The following REEP3 variants were observed in gnomAD, a reference collection of about 807,000 sequenced individuals.
REEP3 encodes receptor accessory protein 3, also known as receptor expression-enhancing protein 3.
Under a neutral mutation model 41.3 loss-of-function variants are expected in REEP3, and 20 were observed. The observed-to-expected ratio is 0.48, with a 90% CI of 0.34 to 0.70. The LOEUF (loss-of-function observed/expected upper bound fraction) is 0.70, where lower values mean the gene tolerates loss of function less well. REEP3 is among the 30% of genes least tolerant of loss of function. The probability of loss-of-function intolerance (pLI) is 0.01; values close to 1 mark genes in which losing one functional copy is unlikely to be tolerated. For missense variants in REEP3, 271 were observed against 308.8 expected (o/e 0.88, Z 0.92); for synonymous variants, 104 against 101.8 (o/e 1.02, Z -0.13).
chr10:63,598,706 C>T (rs1304222151), intron 4 of REEP3, among the ~76,000 whole-genome samples: 4 of 151,514 alleles, frequency 2.6e-5, no homozygotes, highest in African/African-American at 7.3e-5. Flanking sequence ...ATGGCGCGAA[C>T]CCGGGAGGTG....
chr10:63,576,172 G>A (rs938430387), intron 2 of REEP3, among the ~76,000 whole-genome samples: 1 of 152,128 alleles, frequency 6.6e-6, no homozygotes, highest in Admixed American at 6.6e-5. Flanking sequence ...ATAATGAAAA[G>A]CTGCCTGGAG....
intron 5 of REEP3, among the ~76,000 whole-genome samples, chr10:63,606,300 TTCTC>T (rs1215399054): frequency 5.9e-5 from 9 of 151,918 alleles, no homozygotes; most frequent in Non-Finnish European, 1.2e-4. Context: ...CTTTCTTTCT[TTCTC>T]TCTCTCTGTC....
intron 1 of REEP3, among the ~76,000 whole-genome samples, chr10:63,546,810 T>G (rs1955582403): frequency 6.6e-6 from 1 of 152,218 alleles, no homozygotes; most frequent in South Asian, 2.1e-4. Context: ...ATCCATCACT[T>G]GCAGAATCAT....
At chr10:63,606,914 A>G (rs1956233799) in intron 5 of REEP3, among the ~76,000 whole-genome samples, 2 of 152,236 alleles carry the variant, frequency 1.3e-5, no homozygotes, top group African/African-American at 4.8e-5. Context: ...ACTTATAGCC[A>G]TACTGCATAC....
chr10:63,526,117 G>T (rs999351591), intron 1 of REEP3, among the ~76,000 whole-genome samples: 2 of 152,146 alleles, frequency 1.3e-5, no homozygotes, highest in African/African-American at 2.4e-5. Flanking sequence ...GAATCACTTT[G>T]TGTGTAGGTA....
intron 2 of REEP3, among the ~76,000 whole-genome samples, chr10:63,589,645 C>T (rs1040528898): frequency 7.2e-5 from 11 of 152,076 alleles, no homozygotes; most frequent in East Asian, 1.9e-4. Flanking sequence ...CTCAGGGGCA[C>T]GCCACTATAC....
At chr10:63,592,613 G>A (rs143395303) in intron 2 of REEP3, among the ~76,000 whole-genome samples, 10 of 152,242 alleles carry the variant, frequency 6.6e-5, no homozygotes, top group East Asian at 3.9e-4. Flanking sequence ...CTTATGGGCC[G>A]GGCGCGGTGG....
At chr10:63,601,008 C>T (rs1455596167) in intron 5 of REEP3, among the ~76,000 whole-genome samples, 4 of 151,932 alleles carry the variant, frequency 2.6e-5, no homozygotes. Flanking sequence ...CAAAGATTAG[C>T]TGGGCGTGGT....
intron 1 of REEP3, among the ~76,000 whole-genome samples, chr10:63,548,974 T>A (rs892153732): frequency 6.6e-6 from 1 of 152,030 alleles, no homozygotes; most frequent in Non-Finnish European, 1.5e-5. Context: ...AAGTGCCCTT[T>A]GAGTTTTTTT....
chr10:63,613,082 G>T (rs1688812624), intron 6 of REEP3, among the ~76,000 whole-genome samples: 2 of 151,940 alleles, frequency 1.3e-5, no homozygotes, highest in Admixed American at 1.3e-4. Context: ...CACGATCTCG[G>T]CTCACTGCAA....
chr10:63,553,453 A>G (rs1955648221), intron 1 of REEP3, among the ~76,000 whole-genome samples: 1 of 152,164 alleles, frequency 6.6e-6, no homozygotes. Flanking sequence ...TTATTGTTTA[A>G]TGGAGACTTA....
chr10:63,594,031 T>A (rs1298301918), intron 2 of REEP3, among the ~76,000 whole-genome samples: 1 of 152,112 alleles, frequency 6.6e-6, no homozygotes, highest in Non-Finnish European at 1.5e-5. Flanking sequence ...TATAAAATTT[T>A]AAAGACTAAT....
At chr10:63,594,952 AG>A in intron 3 of REEP3, 98 bp downstream of exon 3, 1 of 787,394 alleles carries the variant, frequency 1.3e-6, no homozygotes, top group Non-Finnish European at 2.2e-6. Flanking sequence ...GATTTTCATC[AG>A]GTTACCTAAT....
At chr10:63,533,870 C>G (rs1481270581) in intron 1 of REEP3, among the ~76,000 whole-genome samples, 1 of 151,688 alleles carries the variant, frequency 6.6e-6, no homozygotes, top group East Asian at 1.9e-4. Context: ...ACCATGCCAG[C>G]TAATTTTTGG....
chr10:63,549,476 G>A (rs1955608161), intron 1 of REEP3, among the ~76,000 whole-genome samples: 2 of 152,226 alleles, frequency 1.3e-5, no homozygotes, highest in African/African-American at 4.8e-5. Context: ...GCTGAGGCAG[G>A]AGGATCCCTT....
At chr10:63,543,110 C>T (rs1453142593) in intron 1 of REEP3, among the ~76,000 whole-genome samples, 3 of 152,176 alleles carry the variant, frequency 2.0e-5, no homozygotes, top group Non-Finnish European at 4.4e-5. Flanking sequence ...ACCAAGGCCA[C>T]CTGGAGTTTC....
intron 1 of REEP3, among the ~76,000 whole-genome samples, chr10:63,559,139 T>A (rs1955718179): frequency 6.6e-6 from 1 of 152,214 alleles, no homozygotes. Context: ...GTTATATTTA[T>A]TTTTAACAAG....
intron 1 of REEP3, among the ~76,000 whole-genome samples, chr10:63,531,355 C>T (rs753819318): frequency 2.0e-5 from 3 of 152,180 alleles, no homozygotes; most frequent in South Asian, 2.1e-4. Flanking sequence ...GGGAGACTCT[C>T]CTGTGCATTG....
At chr10:63,600,254 T>C (rs1192634348) in intron 5 of REEP3, among the ~76,000 whole-genome samples, 1 of 152,186 alleles carries the variant, frequency 6.6e-6, no homozygotes, top group Non-Finnish European at 1.5e-5. Context: ...GAGGGCACTT[T>C]CACTTTTCAG....
Sources: gnomAD v4.1 joint callset for allele counts (sites outside exome capture counted in the v4.1 genomes callset) on GRCh38, gnomAD v4.1.1 for gene constraint, MANE v1.5 for transcripts, NCBI Gene and HGNC (gene_info 2026-07-23, HGNC 2026-07-21) for gene names.